Variants in ASTN1 observed in about 807,000 individuals in gnomAD.
ASTN1 encodes astrotactin 1, also known as astrotactin-1.
In ASTN1, 41 loss-of-function variants were observed where a neutral mutation model predicts 140.7. That is an observed-to-expected ratio of 0.29 (90% CI 0.23 to 0.38). ASTN1 has a LOEUF of 0.38. Ranked by LOEUF, ASTN1 falls within the 10% of genes least tolerant of loss-of-function variation. The pLI, the probability that ASTN1 is intolerant of heterozygous loss-of-function variation, is 1.00. For synonymous variants in ASTN1, 640 were observed against 652.2 expected (o/e 0.98, Z 0.29); for missense variants, 1,479 against 1,678.8 (o/e 0.88, Z 2.08).
rs116311133 is a variant in ASTN1, at chr1:176,900,728, G to A, written c.2672-5898C>T. 5.6e-3 allele frequency among the ~76,000 whole-genome samples: 858 copies of A among 152,260 alleles called. 9 individuals are homozygous for A. The highest frequency in any genetic ancestry group is 0.019 in the African/African-American group (805 of 41,534). On this transcript the variant is annotated intron_variant, in intron 16 of 22. Transcript: ENST00000361833. The stretch of plus-strand genomic sequence containing the variant: ...CTGAACTGATTTAGTAAAGGTGTAG[G>A]AAAGGCTAACTAATATAATTCGCAA...
At chr1:176,888,973 T>C (rs1404631096) in intron 17 of ASTN1, among the ~76,000 whole-genome samples, 1 of 152,254 alleles carries the variant, frequency 6.6e-6, no homozygotes, top group African/African-American at 2.4e-5. Context: ...GTATGCATAG[T>C]ACCTGGAACA....
At chr1:176,996,699 C>G (rs1571623603) in intron 8 of ASTN1, among the ~76,000 whole-genome samples, 2 of 152,148 alleles carry the variant, frequency 1.3e-5, no homozygotes, top group East Asian at 3.9e-4. Flanking sequence ...AAGGGCACAT[C>G]AGGGGTTGCT....
intron 1 of ASTN1, among the ~76,000 whole-genome samples, chr1:177,067,358 G>A (rs995929916): frequency 6.6e-6 from 1 of 152,078 alleles, no homozygotes; most frequent in Non-Finnish European, 1.5e-5. Flanking sequence ...ATTGAGCTCC[G>A]GACTTTAGTA....
intron 20 of ASTN1, among the ~76,000 whole-genome samples, chr1:176,878,028 A>G (rs928625288): frequency 1.3e-5 from 2 of 152,222 alleles, no homozygotes; most frequent in Non-Finnish European, 2.9e-5. Flanking sequence ...GGTCAGTGTG[A>G]GAGCCTGTGT....
intron 8 of ASTN1, among the ~76,000 whole-genome samples, chr1:176,985,373 C>A (rs903433105): frequency 6.6e-6 from 1 of 152,066 alleles, no homozygotes; most frequent in Non-Finnish European, 1.5e-5. Context: ...CTCTCTCCCC[C>A]GCTTGTCTCC....
At chr1:177,121,552 C>T (rs937929569) in intron 1 of ASTN1, among the ~76,000 whole-genome samples, 5 of 152,160 alleles carry the variant, frequency 3.3e-5, no homozygotes, top group Admixed American at 2.0e-4. Flanking sequence ...ATAATACTTA[C>T]GTCTACTCTT....
At chr1:176,943,099 G>A (rs1671809731) in intron 14 of ASTN1, among the ~76,000 whole-genome samples, 1 of 151,756 alleles carries the variant, frequency 6.6e-6, no homozygotes, top group South Asian at 2.1e-4. Context: ...AACGTACAAA[G>A]CAATCAGTGG....
chr1:176,989,725 G>T (rs780226298), intron 8 of ASTN1, among the ~76,000 whole-genome samples: 2 of 152,148 alleles, frequency 1.3e-5, no homozygotes, highest in African/African-American at 2.4e-5. Flanking sequence ...ACATTTTGCT[G>T]ATAATGGACG....
intron 14 of ASTN1, among the ~76,000 whole-genome samples, chr1:176,936,781 G>A (rs1018354734): frequency 2.0e-5 from 3 of 152,132 alleles, no homozygotes; most frequent in Non-Finnish European, 4.4e-5. Flanking sequence ...GGTTTTTGGT[G>A]CCCAGTCATT....
chr1:176,995,620 G>A (rs1009790999), intron 8 of ASTN1, among the ~76,000 whole-genome samples: 3 of 152,136 alleles, frequency 2.0e-5, no homozygotes, highest in Non-Finnish European at 4.4e-5. Context: ...TTGGAGATGG[G>A]GCAGAGAGGG....
At position 177,061,072 on chromosome 1, in the gene ASTN1, T is replaced by C. The variant is rs767010993; in HGVS notation, c.471+6A>G. ...GCCTGAGAGGCTAAGGCTGTTCTGC[T>C]CTTACCATGACTGAGATGTGGAGGA... On this transcript the variant is annotated splice_donor_region_variant and intron_variant, in intron 2 of 22. Transcript: ENST00000361833. The C allele has an allele frequency of 1.9e-6, 3 of 1,585,562 alleles. No homozygotes were observed. Among genetic ancestry groups the C allele is most frequent in the Non-Finnish European group, 2.6e-6 (3 of 1,166,154 alleles).
At chr1:177,086,371 A>G (rs1158359437) in intron 1 of ASTN1, among the ~76,000 whole-genome samples, 1 of 152,180 alleles carries the variant, frequency 6.6e-6, no homozygotes, top group Non-Finnish European at 1.5e-5. Context: ...AAGAAAAAAA[A>G]TAGCAATAAT....
Position 176,863,993 on chromosome 1 carries a change from GA to G in ASTN1, c.*290del, listed in dbSNP as rs200547682. On this transcript the variant is annotated 3_prime_UTR_variant, in exon 23 of 23. Transcript: ENST00000361833. Reference sequence around the variant, plus strand: ...TGAGCATTTTGGTAAACTTCTCAGGGAAAAAAAAATGAATGGAACAAATTAA... The same window carrying G: ...TGAGCATTTTGGTAAACTTCTCAGGGAAAAAAAATGAATGGAACAAATTAA... 272 of 1,155,934 alleles carry G rather than the reference GA, an allele frequency of 2.4e-4. No homozygotes were observed. Among genetic ancestry groups the G allele is most frequent in the East Asian group, 5.6e-4 (10 of 17,806 alleles). 71.6% of individuals were successfully genotyped at this position (1,155,934 alleles called of 1,614,324 possible).
At chr1:177,033,919 T>C (rs149119019) in intron 2 of ASTN1, among the ~76,000 whole-genome samples, 18 of 152,124 alleles carry the variant, frequency 1.2e-4, no homozygotes, top group Admixed American at 6.5e-4. Flanking sequence ...TGGGCATAAA[T>C]CTTCCCGTGC....
intron 1 of ASTN1, among the ~76,000 whole-genome samples, chr1:177,115,508 T>A (rs1681041108): frequency 6.6e-6 from 1 of 151,776 alleles, no homozygotes; most frequent in Non-Finnish European, 1.5e-5. Flanking sequence ...AATACAAAAA[T>A]TAGCCAGGTG....
intron 12 of ASTN1, among the ~76,000 whole-genome samples, chr1:176,947,428 GATT>G (rs1672004871): frequency 6.6e-6 from 1 of 152,146 alleles, no homozygotes; most frequent in African/African-American, 2.4e-5. Context: ...AAATGTATGT[GATT>G]TGGTCTTTAT....
chr1:177,007,258 T>G (rs542345644), intron 8 of ASTN1, among the ~76,000 whole-genome samples: 1 of 152,112 alleles, frequency 6.6e-6, no homozygotes, highest in East Asian at 1.9e-4. Flanking sequence ...CCGGGCGTGA[T>G]GGCACATGCC....
intron 1 of ASTN1, among the ~76,000 whole-genome samples, chr1:177,158,294 A>G (rs1037461028): frequency 6.6e-6 from 1 of 152,212 alleles, no homozygotes; most frequent in Non-Finnish European, 1.5e-5. Flanking sequence ...AATATCAACT[A>G]TTTCATATTT....
At chr1:177,157,743 G>A (rs914152451) in intron 1 of ASTN1, among the ~76,000 whole-genome samples, 1 of 151,940 alleles carries the variant, frequency 6.6e-6, no homozygotes, top group Non-Finnish European at 1.5e-5. Flanking sequence ...CTTTCCACAA[G>A]AGGTAACACT....
Sources: gnomAD v4.1 joint callset for allele counts (sites outside exome capture counted in the v4.1 genomes callset) on GRCh38, gnomAD v4.1.1 for gene constraint, MANE v1.5 for transcripts, NCBI Gene and HGNC (gene_info 2026-07-23, HGNC 2026-07-21) for gene names.